The following HMGXB3 variants were observed in gnomAD, a reference collection of about 807,000 sequenced individuals.
HMGXB3 encodes the protein HMG-box containing 3, also known as HMG domain-containing protein 3.
A neutral mutation model predicts 121.5 loss-of-function variants in HMGXB3; 45 were observed. That is an observed-to-expected ratio of 0.37 (90% CI 0.29 to 0.47). The LOEUF (loss-of-function observed/expected upper bound fraction) is 0.47. HMGXB3 is among the 20% of genes least tolerant of loss of function. The pLI is 0.99. For missense variants in HMGXB3, 1,376 were observed against 1,602.2 expected (o/e 0.86, Z 2.41); for synonymous variants, 590 against 624.1 (o/e 0.95, Z 0.81).
Position 150,041,548 on chromosome 5 carries a change from G to A in HMGXB3, c.2546-237G>A, listed in dbSNP as rs114543777. 1.9e-3 allele frequency among the ~76,000 whole-genome samples: 292 copies of A among 152,358 alleles called. 4 individuals carry two copies. Among genetic ancestry groups the A allele is most frequent in the African/African-American group, 6.5e-3 (269 of 41,576 alleles). On this transcript the variant is annotated intron_variant, in intron 14 of 19. Coordinates refer to ENST00000502717, the MANE Select transcript of HMGXB3 (RefSeq NM_014983.3). ...TGACATAACATATCCAAAGCTTTCA[G>A]CACAGCATCTAGTACTTAGTACAAG...
rs796774354 is a variant in HMGXB3, at chr5:150,008,063, A to T, written c.312+1416A>T. Among the ~76,000 whole-genome samples, 848 of 143,586 alleles carry T rather than the reference A, an allele frequency of 5.9e-3. 16 individuals are homozygous for T. Among genetic ancestry groups the T allele is most frequent in the African/African-American group, 0.018 (729 of 39,868 alleles). 94.2% of individuals were successfully genotyped at this position (143,586 alleles called of 152,430 possible). ...CAGAGTGAGACTCTGTTTCACACAC[A>T]CACACACACACACACACACACACAC... On this transcript the variant is annotated intron_variant, in intron 3 of 19. Coordinates refer to ENST00000502717, the MANE Select transcript of HMGXB3 (RefSeq NM_014983.3).
chr5:150,012,411 T>TA, intron 5 of HMGXB3, 58 bp downstream of exon 5: 1 of 1,184,166 alleles, frequency 8.4e-7, no homozygotes, highest in African/African-American at 1.5e-5. Context: ...ATTTTTTTTC[T>TA]AAGTAGATTT....
chr5:150,011,866 C>T lies in HMGXB3; in HGVS notation c.811-389C>T, dbSNP rs547433678. 3.7e-3 allele frequency among the ~76,000 whole-genome samples: 564 copies of T among 152,244 alleles called. 1 individual carries two copies. The highest frequency in any genetic ancestry group is 5.7e-3 in the Non-Finnish European group (386 of 68,002). On this transcript the variant is annotated intron_variant, in intron 4 of 19. Coordinates refer to ENST00000502717, the MANE Select transcript of HMGXB3 (RefSeq NM_014983.3). ...ACCTCAGGTGATCCGCCCGCCTCGG[C>T]CTCCCAAAGTGCTGGGATTACAGGC... is the stretch of plus-strand genomic sequence containing the variant.
At chr5:150,047,259 TGTG>T (rs1756778510) in intron 16 of HMGXB3, among the ~76,000 whole-genome samples, 1 of 152,144 alleles carries the variant, frequency 6.6e-6, no homozygotes, top group Non-Finnish European at 1.5e-5. Flanking sequence ...TCAGGAACGT[TGTG>T]TAGAGGGCAC....
At chr5:150,007,796 C>T (rs758278596) in intron 3 of HMGXB3, among the ~76,000 whole-genome samples, 3 of 152,022 alleles carry the variant, frequency 2.0e-5, no homozygotes, top group African/African-American at 7.2e-5. Flanking sequence ...AGCTCATGCC[C>T]GTAATCCCAG....
At chr5:150,030,462 T>C in intron 9 of HMGXB3, 1 of 332,822 alleles carries the variant, frequency 3.0e-6, no homozygotes, top group Non-Finnish European at 5.6e-6. Flanking sequence ...AAAGCTATTA[T>C]GTGCTTTTAT....
chr5:150,012,884 A>T (rs541753028), intron 5 of HMGXB3, among the ~76,000 whole-genome samples: 2 of 152,322 alleles, frequency 1.3e-5, no homozygotes, highest in African/African-American at 4.8e-5. Flanking sequence ...AAAATTTTCA[A>T]TATCTGATTG....
At chr5:150,011,295 C>T (rs1473523573) in intron 4 of HMGXB3, among the ~76,000 whole-genome samples, 2 of 152,192 alleles carry the variant, frequency 1.3e-5, no homozygotes, top group African/African-American at 4.8e-5. Context: ...GAGGGGAAAA[C>T]AGCACTTTTA....
At chr5:150,038,451 C>T (rs1371403125) in intron 13 of HMGXB3, among the ~76,000 whole-genome samples, 1 of 152,186 alleles carries the variant, frequency 6.6e-6, no homozygotes, top group Admixed American at 6.5e-5. Flanking sequence ...ATTTAGTCAA[C>T]ATGTATTTTA....
intron 6 of HMGXB3, among the ~76,000 whole-genome samples, chr5:150,023,670 A>G (rs908545281): frequency 6.6e-6 from 1 of 152,266 alleles, no homozygotes; most frequent in Non-Finnish European, 1.5e-5. Context: ...GAATATTTGT[A>G]GCACATAATA....
chr5:150,032,747 A>T lies in HMGXB3; in HGVS notation c.1983+144A>T, dbSNP rs185186928. On this transcript the variant is annotated intron_variant, in intron 11 of 19. Transcript: ENST00000502717. ...AACCAGTTGGTGGGTTCTGAACCTG[A>T]GCAAGTGCCGCCTTTTCTCTGAGCC... 1.1e-3 allele frequency: 1,014 copies of T among 947,718 alleles called. 4 individuals carry two copies. The African/African-American group carries it at 0.011, about 10-fold the overall frequency. The allele number at this position is 947,718 out of a possible 1,614,324, so 58.7% of individuals were successfully genotyped here. A position where few individuals can be genotyped will look rare whatever the true frequency, so the allele number is the denominator to read the frequency against.
intron 15 of HMGXB3, among the ~76,000 whole-genome samples, chr5:150,044,544 A>C (rs1278818175): frequency 1.3e-5 from 2 of 152,108 alleles, no homozygotes; most frequent in African/African-American, 4.8e-5. Flanking sequence ...TTTACAGTGG[A>C]GGGCTTGCTG....
chr5:150,045,070 TTC>T (rs1756725147), intron 15 of HMGXB3, among the ~76,000 whole-genome samples: 1 of 152,198 alleles, frequency 6.6e-6, no homozygotes, highest in Non-Finnish European at 1.5e-5. Flanking sequence ...GACGTGATTG[TTC>T]TGTCTCTTCG....
chr5:150,042,023 C>G (rs568039611), intron 15 of HMGXB3, 54 bp downstream of exon 15: 6 of 1,434,056 alleles, frequency 4.2e-6, no homozygotes, highest in Non-Finnish European at 5.7e-6. Flanking sequence ...CATTTTGGCA[C>G]CTCCCTTCCT....
chr5:150,038,693 A>G (rs1209327882), intron 13 of HMGXB3, among the ~76,000 whole-genome samples: 1 of 152,230 alleles, frequency 6.6e-6, no homozygotes, highest in African/African-American at 2.4e-5. Flanking sequence ...TGTGAAAGCA[A>G]TTATGGCACG....
At chr5:150,007,797 G>A (rs1362997365) in intron 3 of HMGXB3, among the ~76,000 whole-genome samples, 5 of 152,242 alleles carry the variant, frequency 3.3e-5, no homozygotes, top group African/African-American at 4.8e-5. Context: ...GCTCATGCCC[G>A]TAATCCCAGC....
At chr5:150,041,654 G>C in intron 14 of HMGXB3, 131 bp from the exon 15 acceptor site, 1 of 679,436 alleles carries the variant, frequency 1.5e-6, no homozygotes, top group South Asian at 1.9e-5. Context: ...CTCAGGGTAG[G>C]TAGTACACTG....
chr5:150,041,701 C>A, intron 14 of HMGXB3, 84 bp from the exon 15 acceptor site: 1 of 959,704 alleles, frequency 1.0e-6, no homozygotes, highest in Non-Finnish European at 1.6e-6. Flanking sequence ...GGCAGAATTG[C>A]TCTACTTACT....
chr5:150,013,005 G>A (rs149709626), intron 5 of HMGXB3, among the ~76,000 whole-genome samples: 4 of 152,194 alleles, frequency 2.6e-5, no homozygotes, highest in South Asian at 2.1e-4. Context: ...GATGCTGTTG[G>A]GTTTCCTACA....
Sources: gnomAD v4.1 joint callset for allele counts (sites outside exome capture counted in the v4.1 genomes callset) on GRCh38, gnomAD v4.1.1 for gene constraint, MANE v1.5 for transcripts, NCBI Gene and HGNC (gene_info 2026-07-23, HGNC 2026-07-21) for gene names.